The following FARS2 variants were observed in gnomAD, a reference collection of about 807,000 sequenced individuals.
FARS2 encodes phenylalanyl-tRNA synthetase 2, mitochondrial.
In FARS2, 40 loss-of-function variants were observed where a neutral mutation model predicts 46.4. That is an observed-to-expected ratio of 0.86 (90% confidence interval 0.67 to 1.12). The LOEUF (loss-of-function observed/expected upper bound fraction) is 1.12, where lower values mean the gene tolerates loss of function less well. FARS2 is among the 50% of genes most tolerant of loss of function. The pLI, the probability that FARS2 is intolerant of heterozygous loss-of-function variation, is 0.00. For missense variants in FARS2, 513 were observed against 567.9 expected (o/e 0.90, Z 0.98); for synonymous variants, 234 against 214.9 (o/e 1.09, Z -0.78).
At chr6:5,440,718 T>C (rs1168322253) in intron 4 of FARS2, among the ~76,000 whole-genome samples, 2 of 152,168 alleles carry the variant, frequency 1.3e-5, no homozygotes, top group African/African-American at 4.8e-5. Flanking sequence ...AGGGGGGGTG[T>C]CTCACTGTGT....
intron 5 of FARS2, among the ~76,000 whole-genome samples, chr6:5,558,836 A>C (rs913664589): frequency 1.3e-5 from 2 of 152,046 alleles, no homozygotes; most frequent in African/African-American, 4.8e-5. Context: ...GCTCACTGTA[A>C]GATTTATTAA....
At chr6:5,647,920 C>A (rs748319745) in intron 6 of FARS2, among the ~76,000 whole-genome samples, 2 of 152,138 alleles carry the variant, frequency 1.3e-5, no homozygotes, top group Non-Finnish European at 2.9e-5. Context: ...AATCACAGCT[C>A]GGTATTCACT....
At chr6:5,326,260 T>C (rs1191443323) in intron 1 of FARS2, among the ~76,000 whole-genome samples, 1 of 152,232 alleles carries the variant, frequency 6.6e-6, no homozygotes, top group African/African-American at 2.4e-5. Context: ...TTAGGGCTTA[T>C]TCATAGCCCC....
At chr6:5,654,334 A>G (rs1186654937) in intron 6 of FARS2, among the ~76,000 whole-genome samples, 1 of 152,212 alleles carries the variant, frequency 6.6e-6, no homozygotes, top group Non-Finnish European at 1.5e-5. Flanking sequence ...TCTCTGTTAC[A>G]GTATTCACTG....
At chr6:5,254,528 C>A in the FARS2 span, among the ~76,000 whole-genome samples, 3 of 152,082 alleles carry the variant, frequency 2.0e-5, no homozygotes, top group Non-Finnish European at 4.4e-5. Flanking sequence ...ACTTTTGCAC[C>A]AACTTGCTAC....
intron 1 of FARS2, among the ~76,000 whole-genome samples, chr6:5,267,454 G>A (rs954800323): frequency 1.3e-5 from 2 of 151,980 alleles, no homozygotes; most frequent in African/African-American, 2.4e-5. Flanking sequence ...GCTTTGCCAT[G>A]AAAAGAACAG....
At chr6:5,758,361 C>G (rs1028175786) in intron 6 of FARS2, among the ~76,000 whole-genome samples, 3 of 152,114 alleles carry the variant, frequency 2.0e-5, no homozygotes, top group African/African-American at 7.2e-5. Context: ...GGGCCATTTG[C>G]AAAAATGAAG....
intron 6 of FARS2, among the ~76,000 whole-genome samples, chr6:5,760,201 A>G (rs1762411412): frequency 6.6e-6 from 1 of 152,202 alleles, no homozygotes; most frequent in African/African-American, 2.4e-5. Flanking sequence ...TATTTCTTCC[A>G]TTAGTCGCTG....
At position 5,264,655 on chromosome 6, in the gene FARS2, C is replaced by T. The variant is rs148456959; in HGVS notation, c.-22+2995C>T. The stretch of plus-strand genomic sequence containing the variant: ...CTCCTGACCTCAGGTGATCCAGCTG[C>T]CTTGGCCTCCCAAAGTGTGGGGATT... On this transcript the variant is annotated intron_variant, in intron 1 of 6. Coordinates refer to ENST00000274680, the MANE Select transcript of FARS2 (RefSeq NM_006567.5). 7.1e-4 allele frequency among the ~76,000 whole-genome samples: 108 copies of T among 152,158 alleles called. 1 individual carries two copies. Among genetic ancestry groups the T allele is most frequent in the African/African-American group, 2.6e-3 (106 of 41,522 alleles).
At chr6:5,576,634 C>CATATATTATATATG (rs75665515) in intron 5 of FARS2, among the ~76,000 whole-genome samples, 1 of 145,766 alleles carries the variant, frequency 6.9e-6, no homozygotes, top group Non-Finnish European at 1.5e-5. Flanking sequence ...CATATATTAA[C>CATATATTATATATG]ATATATATAT....
chr6:5,273,694 C>CT, intron 1 of FARS2, among the ~76,000 whole-genome samples: 1 of 152,200 alleles, frequency 6.6e-6, no homozygotes, highest in East Asian at 1.9e-4. Flanking sequence ...TAATTTTTCT[C>CT]TTTTTGCTTT....
chr6:5,352,382 T>C (rs943943640), intron 1 of FARS2, among the ~76,000 whole-genome samples: 1 of 151,872 alleles, frequency 6.6e-6, no homozygotes, highest in South Asian at 2.1e-4. Flanking sequence ...AATCTTAAAC[T>C]CTAACTTGAA....
intron 6 of FARS2, among the ~76,000 whole-genome samples, chr6:5,745,285 C>T (rs974146866): frequency 3.3e-5 from 5 of 152,252 alleles, no homozygotes; most frequent in Admixed American, 1.3e-4. Flanking sequence ...TGTCATGCCA[C>T]CCATGGCCTT....
chr6:5,524,614 C>G (rs1254874001), intron 4 of FARS2, among the ~76,000 whole-genome samples: 2 of 152,190 alleles, frequency 1.3e-5, no homozygotes, highest in Non-Finnish European at 2.9e-5. Flanking sequence ...GCACCAGGTC[C>G]TCTTCTGAGC....
At chr6:5,529,549 A>C (rs891488401) in intron 4 of FARS2, among the ~76,000 whole-genome samples, 10 of 152,106 alleles carry the variant, frequency 6.6e-5, no homozygotes, top group Admixed American at 2.0e-4. Context: ...CTCGTGATCC[A>C]CCTGCCTCAG....
intron 5 of FARS2, among the ~76,000 whole-genome samples, chr6:5,552,144 G>C (rs1771405990): frequency 2.0e-5 from 3 of 152,128 alleles, no homozygotes; most frequent in Admixed American, 1.3e-4. Flanking sequence ...AAAAAATAAG[G>C]ATAGTATTAA....
intron 4 of FARS2, among the ~76,000 whole-genome samples, chr6:5,511,735 G>A (rs1053189984): frequency 1.3e-5 from 2 of 152,184 alleles, no homozygotes; most frequent in African/African-American, 4.8e-5. Flanking sequence ...TTAAACTGGT[G>A]AATCTTGACT....
chr6:5,415,105 C>T (rs1762151892), intron 3 of FARS2, among the ~76,000 whole-genome samples: 2 of 151,762 alleles, frequency 1.3e-5, no homozygotes, highest in African/African-American at 4.8e-5. Context: ...GCGTGAGCCA[C>T]CGCACCCGGC....
At chr6:5,455,347 A>G (rs1259816952) in intron 4 of FARS2, among the ~76,000 whole-genome samples, 1 of 152,158 alleles carries the variant, frequency 6.6e-6, no homozygotes, top group Non-Finnish European at 1.5e-5. Context: ...AAGCTTGGGT[A>G]TGTGTTAGTC....
Sources: allele counts gnomAD v4.1 joint callset (sites outside exome capture counted in the v4.1 genomes callset), GRCh38; gene constraint gnomAD v4.1.1; transcripts MANE v1.5; gene names NCBI Gene and HGNC (gene_info 2026-07-23, HGNC 2026-07-21).